NRCAM: variants seen among roughly 807,000 people sequenced by gnomAD.
The protein encoded by NRCAM is neuronal cell adhesion molecule.
A neutral mutation model predicts 156.5 loss-of-function variants in NRCAM; 83 were observed. The observed-to-expected ratio is 0.53, with a 90% CI of 0.44 to 0.64. NRCAM has a LOEUF of 0.64. Ranked by LOEUF, NRCAM falls within the 30% of genes least tolerant of loss-of-function variation. NRCAM has a pLI of 0.00. For missense variants in NRCAM, 1,417 were observed against 1,597.3 expected (o/e 0.89, Z 1.92); for synonymous variants, 538 against 563.9 (o/e 0.95, Z 0.65).
chr7:108,324,780 A>G (rs1425277420), intron 2 of NRCAM, among the ~76,000 whole-genome samples: 5 of 152,162 alleles, frequency 3.3e-5, no homozygotes, highest in Non-Finnish European at 7.4e-5. Context: ...TTTTTGAAAC[A>G]AATTGTCAAC....
intron 3 of NRCAM, among the ~76,000 whole-genome samples, chr7:108,299,104 T>TAAAAAA (rs1563162798): frequency 2.1e-4 from 1 of 4,840 alleles, no homozygotes; most frequent in African/African-American, 5.3e-4. Flanking sequence ...AGACTCCATC[T>TAAAAAA]CAAAAAAAAA....
At chr7:108,392,489 G>C (rs2099763437) in intron 2 of NRCAM, among the ~76,000 whole-genome samples, 1 of 152,106 alleles carries the variant, frequency 6.6e-6, no homozygotes, top group African/African-American at 2.4e-5. Flanking sequence ...TTTTTTCAAG[G>C]TTTTTGGCTT....
intron 2 of NRCAM, among the ~76,000 whole-genome samples, chr7:108,398,704 C>T (rs946736735): frequency 7.9e-5 from 12 of 152,200 alleles, no homozygotes; most frequent in African/African-American, 2.9e-4. Context: ...CTTTTACACA[C>T]AGCCCTCTGG....
In NRCAM at chr7:108,277,641, C is replaced by G. The variant is rs556870834; in HGVS notation, c.-107+35024G>C. Among the ~76,000 whole-genome samples the G allele has an allele frequency of 1.4e-4, 22 of 152,150 alleles. No individual in the cohort carries two copies. In the South Asian group the frequency reaches 4.6e-3, roughly 32 times the overall value. ...TATTCTAGTTAGCCATTCATCTAAG[C>G]TTTTTTCAAGGTTTTTACCTTCTTT... On this transcript the variant is annotated intron_variant, in intron 3 of 32. Transcript: ENST00000379028.
intron 3 of NRCAM, among the ~76,000 whole-genome samples, chr7:108,311,346 C>T (rs2098800314): frequency 6.6e-6 from 1 of 152,124 alleles, no homozygotes; most frequent in Admixed American, 6.6e-5. Context: ...CTTACTATCA[C>T]ATTGCTTTAC....
chr7:108,308,691 A>C (rs1410165772), intron 3 of NRCAM, among the ~76,000 whole-genome samples: 1 of 152,210 alleles, frequency 6.6e-6, no homozygotes, highest in Non-Finnish European at 1.5e-5. Context: ...GAAAATGCTG[A>C]TGTCTTTCTT....
chr7:108,256,032 C>T (rs565420646), intron 3 of NRCAM, among the ~76,000 whole-genome samples: 1 of 151,754 alleles, frequency 6.6e-6, no homozygotes, highest in Admixed American at 6.5e-5. Context: ...CGGCCAGCCA[C>T]CCCGTCCGGG....
At position 108,411,147 on chromosome 7, in the gene NRCAM, C is replaced by T. The variant is rs373502913; in HGVS notation, c.-331-11554G>A. On this transcript the variant is annotated intron_variant, in intron 1 of 32. Coordinates refer to ENST00000379028, the MANE Select transcript of NRCAM (RefSeq NM_001037132.4). ...TTTCTTCAATTCATAAAAATAATTC[C>T]TCATCCCAAATGTTCTGTGAAATGT... Among the ~76,000 whole-genome samples, 41 of 151,994 alleles carry T rather than the reference C, an allele frequency of 2.7e-4. 1 individual carries two copies. Among genetic ancestry groups the T allele is most frequent in the African/African-American group, 8.7e-4 (36 of 41,374 alleles).
At chr7:108,372,772 A>T (rs2099637138) in intron 2 of NRCAM, among the ~76,000 whole-genome samples, 1 of 152,184 alleles carries the variant, frequency 6.6e-6, no homozygotes. Flanking sequence ...TGCTGAAGTC[A>T]CTACAAAAAC....
Position 108,223,105 on chromosome 7 carries a change from A to T in NRCAM, c.890+620T>A, listed in dbSNP as rs79062215. 7.3e-3 allele frequency among the ~76,000 whole-genome samples: 1,105 copies of T among 152,262 alleles called. 6 individuals carry two copies. Among genetic ancestry groups the T allele is most frequent in the Non-Finnish European group, 0.012 (807 of 68,024 alleles). On this transcript the variant is annotated intron_variant, in intron 11 of 32. Transcript: ENST00000379028. ...ATTTAAGAGGCAGGCCCTGTGCATG[A>T]TGTCTGTTGTTAGGAGAATAAGCCA...
intron 13 of NRCAM, among the ~76,000 whole-genome samples, chr7:108,198,504 A>AG (rs2076304261): frequency 6.6e-6 from 1 of 152,128 alleles, no homozygotes; most frequent in Non-Finnish European, 1.5e-5. Flanking sequence ...TGAGAGATGC[A>AG]GAAAAAAAAC....
intron 2 of NRCAM, among the ~76,000 whole-genome samples, chr7:108,367,204 C>T (rs1191587801): frequency 6.6e-6 from 1 of 152,104 alleles, no homozygotes; most frequent in South Asian, 2.1e-4. Context: ...TGGATCCAAT[C>T]AAATATTTTG....
chr7:108,353,896 T>C lies in NRCAM; in HGVS notation c.-173-41165A>G, dbSNP rs558944219. ...ATAATCTCCATTGCACAGAGGAACA[T>C]TGGGTTCATACACTAGTAAGTGGTA... On this transcript the variant is annotated intron_variant, in intron 2 of 32. Transcript: ENST00000379028. 7.2e-5 allele frequency among the ~76,000 whole-genome samples: 11 copies of C among 152,336 alleles called. No individual in the cohort carries two copies. In the South Asian group the frequency reaches 1.0e-3, roughly 14 times the overall value.
chr7:108,197,678 C>T (rs2075871193), intron 14 of NRCAM, among the ~76,000 whole-genome samples: 1 of 152,102 alleles, frequency 6.6e-6, no homozygotes, highest in Non-Finnish European at 1.5e-5. Flanking sequence ...TGCTATTTTC[C>T]TTTTGAGGGT....
intron 17 of NRCAM, among the ~76,000 whole-genome samples, chr7:108,192,495 C>T (rs1258379514): frequency 3.9e-5 from 6 of 151,994 alleles, no homozygotes; most frequent in East Asian, 3.9e-4. Flanking sequence ...CCACCCTGTC[C>T]GTGGAAAAAC....
intron 20 of NRCAM, among the ~76,000 whole-genome samples, chr7:108,185,065 T>G (rs1160004573): frequency 6.6e-6 from 1 of 152,158 alleles, no homozygotes; most frequent in East Asian, 1.9e-4. Flanking sequence ...CATAATAGGA[T>G]AAATTAAATA....
Position 108,421,776 on chromosome 7 carries a change from A to G in NRCAM, c.-331-22183T>C, listed in dbSNP as rs536458795. ...GAGTAAATCATTTTGTTCTTCAATC[A>G]TCTTGTATTTCTGACCAAACTGCAC... On this transcript the variant is annotated intron_variant, in intron 1 of 32. Coordinates refer to ENST00000379028, the MANE Select transcript of NRCAM (RefSeq NM_001037132.4). Among the ~76,000 whole-genome samples, 109 of 152,308 alleles carry G rather than the reference A, an allele frequency of 7.2e-4. No homozygotes were observed. The South Asian group carries it at 0.016, about 23-fold the overall frequency.
At position 108,159,462 on chromosome 7, in the gene NRCAM, C is replaced by A; in HGVS notation, c.3677+1G>T. The A allele has an allele frequency of 6.2e-7, 1 of 1,612,564 alleles. No individual in the cohort carries two copies. Among genetic ancestry groups the A allele is most frequent in the Non-Finnish European group, 8.5e-7 (1 of 1,178,818 alleles). ...TGAAGAGCAGAGAAGCAGGGGCTCA[C>A]CTGTATTCTCCAAATGTCCCATCAT... On this transcript the variant is annotated splice_donor_variant, in intron 32 of 32. Coordinates refer to ENST00000379028, the MANE Select transcript of NRCAM (RefSeq NM_001037132.4). LOFTEE classifies it high-confidence loss of function.
At chr7:108,431,124 T>A (rs1229040845) in intron 1 of NRCAM, among the ~76,000 whole-genome samples, 1 of 152,210 alleles carries the variant, frequency 6.6e-6, no homozygotes, top group African/African-American at 2.4e-5. Context: ...TTTCTCTCCA[T>A]AATAATCCTG....
Sources: gnomAD v4.1 joint callset for allele counts (sites outside exome capture counted in the v4.1 genomes callset) on GRCh38, gnomAD v4.1.1 for gene constraint, MANE v1.5 for transcripts, NCBI Gene and HGNC (gene_info 2026-07-23, HGNC 2026-07-21) for gene names.